UBE2E2: variants seen among roughly 807,000 people sequenced by gnomAD.
UBE2E2 encodes ubiquitin conjugating enzyme E2 E2, also known as ubiquitin-conjugating enzyme E2 E2.
Under a neutral mutation model 24.7 loss-of-function variants are expected in UBE2E2, and 6 were observed. The ratio of observed to expected loss-of-function variants is 0.24; its 90% confidence interval spans 0.13 to 0.48. The LOEUF (loss-of-function observed/expected upper bound fraction) is 0.48. Among genes scored for constraint, UBE2E2 ranks in the 20% least tolerant of loss-of-function variants. The pLI is 0.99. For missense variants in UBE2E2, 169 were observed against 245.0 expected (o/e 0.69, Z 2.07); for synonymous variants, 104 against 83.6 (o/e 1.24, Z -1.33).
At chr3:23,367,787 T>G (rs920628653) in intron 3 of UBE2E2, among the ~76,000 whole-genome samples, 1 of 152,100 alleles carries the variant, frequency 6.6e-6, no homozygotes, top group Admixed American at 6.6e-5. Context: ...GGGAGGGCAG[T>G]CTTGTGGACT....
intron 3 of UBE2E2, among the ~76,000 whole-genome samples, chr3:23,282,918 A>G (rs1033810540): frequency 2.6e-5 from 4 of 152,206 alleles, no homozygotes; most frequent in Non-Finnish European, 5.9e-5. Flanking sequence ...AGGATATCAT[A>G]GTAACATAAA....
At chr3:23,556,790 A>ATTAT (rs1330761668) in intron 5 of UBE2E2, among the ~76,000 whole-genome samples, 2 of 152,178 alleles carry the variant, frequency 1.3e-5, no homozygotes, top group Non-Finnish European at 2.9e-5. Flanking sequence ...AACTCATAAT[A>ATTAT]ATCTATATAA....
chr3:23,413,243 C>G (rs1480264330), intron 3 of UBE2E2, among the ~76,000 whole-genome samples: 1 of 151,812 alleles, frequency 6.6e-6, no homozygotes, highest in Non-Finnish European at 1.5e-5. Flanking sequence ...TTAATTTAAA[C>G]TTTAGCACAT....
chr3:23,320,834 T>C (rs187638645), intron 3 of UBE2E2, among the ~76,000 whole-genome samples: 11 of 152,336 alleles, frequency 7.2e-5, no homozygotes, highest in Admixed American at 7.2e-4. Flanking sequence ...ATTGGTATCA[T>C]ACTCAGCTGT....
At chr3:23,364,415 A>G (rs1384188344) in intron 3 of UBE2E2, among the ~76,000 whole-genome samples, 3 of 152,150 alleles carry the variant, frequency 2.0e-5, no homozygotes, top group Non-Finnish European at 2.9e-5. Flanking sequence ...GATCCAAATA[A>G]ACAGAATCAG....
At chr3:23,363,477 GA>G (rs1158933841) in intron 3 of UBE2E2, among the ~76,000 whole-genome samples, 1 of 151,986 alleles carries the variant, frequency 6.6e-6, no homozygotes, top group African/African-American at 2.4e-5. Context: ...ATGGAAAACA[GA>G]AAAAAGGAGG....
chr3:23,483,756 C>A (rs976545657), intron 3 of UBE2E2, among the ~76,000 whole-genome samples: 1 of 152,184 alleles, frequency 6.6e-6, no homozygotes, highest in Admixed American at 6.5e-5. Context: ...CATGGTGATT[C>A]TAGTTGTTCA....
intron 3 of UBE2E2, among the ~76,000 whole-genome samples, chr3:23,460,548 A>G (rs1014980686): frequency 4.6e-5 from 7 of 152,258 alleles, no homozygotes; most frequent in African/African-American, 1.7e-4. Context: ...ATTGATATAT[A>G]ATCAGAGGAG....
At chr3:23,255,083 T>C (rs1027002681) in intron 3 of UBE2E2, among the ~76,000 whole-genome samples, 3 of 93,298 alleles carry the variant, frequency 3.2e-5, no homozygotes, top group Non-Finnish European at 7.5e-5. Flanking sequence ...AACTTCCTTT[T>C]TTTTTTTTTT....
chr3:23,522,057 G>A (rs1466795540), intron 4 of UBE2E2, among the ~76,000 whole-genome samples: 2 of 151,664 alleles, frequency 1.3e-5, no homozygotes. Context: ...AAATCCGTAT[G>A]TGATTATGTT....
At chr3:23,231,634 G>C (rs918203266) in intron 3 of UBE2E2, among the ~76,000 whole-genome samples, 1 of 152,114 alleles carries the variant, frequency 6.6e-6, no homozygotes, top group African/African-American at 2.4e-5. Flanking sequence ...AGAAACTACA[G>C]ATTGAGGGCT....
At chr3:23,223,875 T>C (rs1055857969) in intron 3 of UBE2E2, among the ~76,000 whole-genome samples, 1 of 152,176 alleles carries the variant, frequency 6.6e-6, no homozygotes, top group Non-Finnish European at 1.5e-5. Flanking sequence ...GTTATCCAGT[T>C]TTCCCAGCAC....
chr3:23,288,822 T>C (rs1698685970), intron 3 of UBE2E2, among the ~76,000 whole-genome samples: 1 of 152,116 alleles, frequency 6.6e-6, no homozygotes, highest in South Asian at 2.1e-4. Flanking sequence ...TCTAGAAATA[T>C]TTTTTCAAAT....
intron 3 of UBE2E2, among the ~76,000 whole-genome samples, chr3:23,409,596 A>G (rs1004907388): frequency 2.0e-5 from 3 of 152,172 alleles, no homozygotes; most frequent in Non-Finnish European, 2.9e-5. Flanking sequence ...TCTTTGTACT[A>G]TTACTGATGT....
intron 1 of UBE2E2, among the ~76,000 whole-genome samples, 183 bp from the exon 2 acceptor site, chr3:23,208,509 T>A (rs1234741534): frequency 6.6e-6 from 1 of 152,232 alleles, no homozygotes; most frequent in Admixed American, 6.5e-5. Context: ...CATTTTAGAA[T>A]ACATTTTGAA....
At chr3:23,296,359 C>T (rs144756926) in intron 3 of UBE2E2, among the ~76,000 whole-genome samples, 11 of 151,926 alleles carry the variant, frequency 7.2e-5, no homozygotes, top group African/African-American at 2.4e-4. Flanking sequence ...TACATGTGCA[C>T]GACGTGCAGG....
At chr3:23,356,054 A>G (rs1352393319) in intron 3 of UBE2E2, among the ~76,000 whole-genome samples, 1 of 152,218 alleles carries the variant, frequency 6.6e-6, no homozygotes, top group Non-Finnish European at 1.5e-5. Flanking sequence ...TTGTATAGAA[A>G]GCTGGGCTTG....
chr3:23,352,355 C>T (rs1331280166), intron 3 of UBE2E2, among the ~76,000 whole-genome samples: 2 of 152,080 alleles, frequency 1.3e-5, no homozygotes, highest in African/African-American at 4.8e-5. Context: ...CATTCAAAAC[C>T]TAGCAGAAGG....
chr3:23,220,190 A>G (rs1696594214), intron 3 of UBE2E2, among the ~76,000 whole-genome samples: 1 of 152,170 alleles, frequency 6.6e-6, no homozygotes, highest in African/African-American at 2.4e-5. Context: ...ATTTTTTTTC[A>G]GGTTTTGAAT....
Sources: gnomAD v4.1 joint callset for allele counts (sites outside exome capture counted in the v4.1 genomes callset) on GRCh38, gnomAD v4.1.1 for gene constraint, MANE v1.5 for transcripts, NCBI Gene and HGNC (gene_info 2026-07-23, HGNC 2026-07-21) for gene names.